Variants in TMEM74 observed in about 807,000 individuals in gnomAD.
The protein encoded by TMEM74 is transmembrane protein 74.
A neutral mutation model predicts 18.1 loss-of-function variants in TMEM74; 13 were observed. That is an observed-to-expected ratio of 0.72 (90% CI 0.47 to 1.14). The LOEUF (loss-of-function observed/expected upper bound fraction) is 1.14. Ranked by LOEUF, TMEM74 falls within the 50% of genes most tolerant of loss-of-function variation. The pLI is 0.00. For missense variants in TMEM74, 372 were observed against 375.9 expected (o/e 0.99, Z 0.09); for synonymous variants, 159 against 146.6 (o/e 1.08, Z -0.61).
chr8:108,781,126 T>C lies in TMEM74; in HGVS notation c.*3055A>G, dbSNP rs1203832718. On this transcript the variant is annotated 3_prime_UTR_variant, in exon 2 of 2. Coordinates refer to ENST00000297459, the MANE Select transcript of TMEM74 (RefSeq NM_153015.3). Reference sequence around the variant, plus strand: ...CTCATTGAGACTAGGAAGATGACTCTTGAGTTTAGATTTCTAAAACCATGT... The same window carrying C: ...CTCATTGAGACTAGGAAGATGACTCCTGAGTTTAGATTTCTAAAACCATGT... Among the ~76,000 whole-genome samples, 1 of 152,134 alleles carries C rather than the reference T, an allele frequency of 6.6e-6. No individual in the cohort carries two copies. Among genetic ancestry groups the C allele is most frequent in the East Asian group, 1.9e-4 (1 of 5,182 alleles).
intron 2 of TMEM74, among the ~76,000 whole-genome samples, chr8:108,646,230 C>T (rs1042179969): frequency 6.6e-6 from 1 of 151,906 alleles, no homozygotes; most frequent in African/African-American, 2.4e-5. Flanking sequence ...GGACAAGTGA[C>T]ATGGTATATT....
intron 2 of TMEM74, among the ~76,000 whole-genome samples, chr8:108,633,463 G>A (rs535628432): frequency 1.2e-4 from 18 of 152,036 alleles, no homozygotes; most frequent in African/African-American, 4.3e-4. Flanking sequence ...ACACTTATAA[G>A]CTAGTAATTA....
At chr8:108,646,853 T>C (rs1250856417) in intron 2 of TMEM74, among the ~76,000 whole-genome samples, 1 of 152,198 alleles carries the variant, frequency 6.6e-6, no homozygotes, top group African/African-American at 2.4e-5. Context: ...CCACCCATAT[T>C]CCAAGTATGT....
chr8:108,676,091 A>T (rs193274086), intron 1 of TMEM74, among the ~76,000 whole-genome samples: 1 of 152,148 alleles, frequency 6.6e-6, no homozygotes, highest in African/African-American at 2.4e-5. Context: ...AAAGAGGAGG[A>T]TATTCAAGGG....
intron 1 of TMEM74, among the ~76,000 whole-genome samples, chr8:108,719,839 T>C (rs758917381): frequency 5.9e-5 from 9 of 152,172 alleles, no homozygotes; most frequent in Non-Finnish European, 1.0e-4. Flanking sequence ...TTGATCCATA[T>C]TGCAAAATTT....
At chr8:108,690,076 C>T (rs953843065) in intron 1 of TMEM74, among the ~76,000 whole-genome samples, 17 of 151,922 alleles carry the variant, frequency 1.1e-4, no homozygotes, top group African/African-American at 3.9e-4. Context: ...TATATACACA[C>T]GTATATATAC....
intron 2 of TMEM74, among the ~76,000 whole-genome samples, chr8:108,627,949 C>T (rs1157497724): frequency 4.0e-5 from 6 of 151,824 alleles, no homozygotes; most frequent in Non-Finnish European, 2.9e-5. Context: ...CAGCTACTCA[C>T]GAGGCTGATG....
At chr8:108,743,679 C>T (rs1813823075) in intron 1 of TMEM74, among the ~76,000 whole-genome samples, 1 of 152,028 alleles carries the variant, frequency 6.6e-6, no homozygotes, top group African/African-American at 2.4e-5. Context: ...TAGCAGAAAC[C>T]CAGGAAAATC....
chr8:108,731,173 C>G (rs1270433277), intron 1 of TMEM74, among the ~76,000 whole-genome samples: 1 of 151,374 alleles, frequency 6.6e-6, no homozygotes, highest in Non-Finnish European at 1.5e-5. Flanking sequence ...GCTTTTCTAC[C>G]CAGATTTAGG....
In TMEM74 at chr8:108,719,615, G is replaced by T. The variant is rs113494140; in HGVS notation, n.120-64178C>A. 8.8e-3 allele frequency among the ~76,000 whole-genome samples: 1,337 copies of T among 152,154 alleles called. 18 individuals carry two copies. The highest frequency in any genetic ancestry group is 0.03 in the African/African-American group (1,262 of 41,500). ...TAATATATGGTTTTCTAACAGAGTAGAATGCAAAATATGCATACAGTTTAA... is the reference window on the plus strand; with the variant it reads ...TAATATATGGTTTTCTAACAGAGTATAATGCAAAATATGCATACAGTTTAA... On this transcript the variant is annotated intron_variant and non_coding_transcript_variant, in intron 1 of 3. Transcript: ENST00000518838.
intron 2 of TMEM74, chr8:108,608,953 A>G (rs905480575): frequency 1.8e-4 from 27 of 152,204 alleles, no homozygotes; most frequent in African/African-American, 6.3e-4. Context: ...AAATTGTATG[A>G]AAAATGTGTA....
At chr8:108,674,725 G>C (rs1813036558) in intron 1 of TMEM74, among the ~76,000 whole-genome samples, 1 of 152,178 alleles carries the variant, frequency 6.6e-6, no homozygotes, top group South Asian at 2.1e-4. Flanking sequence ...CTGGGCCCCA[G>C]ATGGGCAAGG....
At chr8:108,687,137 A>G (rs1257530475) in intron 1 of TMEM74, among the ~76,000 whole-genome samples, 3 of 152,158 alleles carry the variant, frequency 2.0e-5, no homozygotes, top group Non-Finnish European at 2.9e-5. Flanking sequence ...TCTACCTCAC[A>G]TAAAATAACT....
intron 1 of TMEM74, among the ~76,000 whole-genome samples, chr8:108,655,857 G>A (rs1282266225): frequency 6.6e-6 from 1 of 152,184 alleles, no homozygotes; most frequent in Non-Finnish European, 1.5e-5. Flanking sequence ...GAACAATATA[G>A]CACATCAAAC....
chr8:108,608,250 C>G (rs1004716129), intron 3 of TMEM74, among the ~76,000 whole-genome samples: 1 of 144,110 alleles, frequency 6.9e-6, no homozygotes, highest in Admixed American at 7.2e-5. Context: ...AGCAGTGAGC[C>G]GAGATTGTGC....
At chr8:108,652,189 A>C (rs1003035062) in intron 2 of TMEM74, among the ~76,000 whole-genome samples, 1 of 152,218 alleles carries the variant, frequency 6.6e-6, no homozygotes, top group Admixed American at 6.5e-5. Context: ...ACAAATGGAA[A>C]CATTAAAAGT....
intron 1 of TMEM74, among the ~76,000 whole-genome samples, chr8:108,749,758 T>C (rs1232889234): frequency 6.6e-6 from 1 of 152,130 alleles, no homozygotes; most frequent in Non-Finnish European, 1.5e-5. Flanking sequence ...AGCACACTTC[T>C]CAATGTGGGG....
At chr8:108,741,561 A>G (rs1309438033) in intron 1 of TMEM74, among the ~76,000 whole-genome samples, 3 of 152,186 alleles carry the variant, frequency 2.0e-5, no homozygotes, top group Non-Finnish European at 2.9e-5. Context: ...TGTAAATTAT[A>G]TGTTTACCCT....
chr8:108,607,362 T>C (rs951161396), exon 4 of TMEM74: 1 of 152,186 alleles, frequency 6.6e-6, no homozygotes, highest in Non-Finnish European at 1.5e-5. Context: ...GCACAATATA[T>C]ACATCGAGGA....
Sources: allele counts gnomAD v4.1 joint callset (sites outside exome capture counted in the v4.1 genomes callset), GRCh38; gene constraint gnomAD v4.1.1; transcripts MANE v1.5; gene names NCBI Gene and HGNC (gene_info 2026-07-23, HGNC 2026-07-21).